PPP2R5E: variants seen among roughly 807,000 people sequenced by gnomAD.
PPP2R5E encodes the protein protein phosphatase 2 regulatory subunit B'epsilon.
In PPP2R5E, 4 loss-of-function variants were observed where a neutral mutation model predicts 65.3. The ratio of observed to expected loss-of-function variants is 0.06; its 90% CI spans 0.03 to 0.14. PPP2R5E has a LOEUF of 0.14. PPP2R5E is among the 10% of genes least tolerant of loss of function. The pLI, the probability that PPP2R5E is intolerant of heterozygous loss-of-function variation, is 1.00. For missense variants in PPP2R5E, 274 were observed against 556.1 expected (o/e 0.49, Z 5.10); for synonymous variants, 183 against 187.4 (o/e 0.98, Z 0.19).
At chr14:63,539,035 T>C (rs1566770476) in intron 2 of PPP2R5E, among the ~76,000 whole-genome samples, 1 of 152,216 alleles carries the variant, frequency 6.6e-6, no homozygotes, top group Non-Finnish European at 1.5e-5. Flanking sequence ...CTACTTGTAC[T>C]ATGTGAAAAC....
At chr14:63,471,668 A>G (rs551613971) in intron 2 of PPP2R5E, among the ~76,000 whole-genome samples, 12 of 152,302 alleles carry the variant, frequency 7.9e-5, no homozygotes, top group African/African-American at 2.6e-4. Flanking sequence ...TGGCCCAAAG[A>G]TATTTAGCAA....
chr14:63,535,579 A>G (rs1249338342), intron 2 of PPP2R5E, among the ~76,000 whole-genome samples: 14 of 152,150 alleles, frequency 9.2e-5, no homozygotes, highest in Non-Finnish European at 2.1e-4. Context: ...TGCATGCACA[A>G]AACGAGTGGT....
chr14:63,396,424 A>AG (rs1278414205), intron 6 of PPP2R5E, among the ~76,000 whole-genome samples, 162 bp downstream of exon 6: 1 of 42,516 alleles, frequency 2.4e-5, no homozygotes, highest in Admixed American at 2.7e-4. Flanking sequence ...GAGGAGGGGG[A>AG]GGGGGTAGAG....
At chr14:63,422,599 ACCTG>A (rs1286745227) in intron 3 of PPP2R5E, among the ~76,000 whole-genome samples, 6 of 152,020 alleles carry the variant, frequency 3.9e-5, no homozygotes, top group Admixed American at 1.3e-4. Flanking sequence ...GGTGGCAGGC[ACCTG>A]TAGTCCCAGC....
At chr14:63,486,085 C>T (rs1245124939) in intron 2 of PPP2R5E, among the ~76,000 whole-genome samples, 1 of 152,092 alleles carries the variant, frequency 6.6e-6, no homozygotes, top group Non-Finnish European at 1.5e-5. Flanking sequence ...CCACCTCGGC[C>T]TCCCAAAGTG....
At chr14:63,384,758 C>T (rs146980618) in intron 11 of PPP2R5E, among the ~76,000 whole-genome samples, 187 bp from the exon 12 acceptor site, 218 of 152,086 alleles carry the variant, frequency 1.4e-3, no homozygotes, top group East Asian at 5.4e-3. Flanking sequence ...GCTAGTGGCG[C>T]GATCTCGGCT....
intron 3 of PPP2R5E, among the ~76,000 whole-genome samples, chr14:63,430,315 A>G (rs1480256059): frequency 6.6e-6 from 1 of 151,790 alleles, no homozygotes; most frequent in Non-Finnish European, 1.5e-5. Context: ...GGAGTTGGAG[A>G]CCAGAGTGGC....
At chr14:63,434,775 C>T (rs11848219) in intron 3 of PPP2R5E, among the ~76,000 whole-genome samples, 8,102 of 152,150 alleles carry the variant, frequency 0.053, 285 homozygotes, top group East Asian at 0.1. Context: ...TTTTTTTAAC[C>T]CTTTGGAGTT....
chr14:63,509,189 T>C (rs1892347040), intron 2 of PPP2R5E, among the ~76,000 whole-genome samples: 1 of 151,698 alleles, frequency 6.6e-6, no homozygotes, highest in Non-Finnish European at 1.5e-5. Flanking sequence ...CTTTTGGGAC[T>C]CATACCCCAG....
At chr14:63,406,337 G>A (rs563318154) in intron 5 of PPP2R5E, among the ~76,000 whole-genome samples, 1 of 151,878 alleles carries the variant, frequency 6.6e-6, no homozygotes, top group Non-Finnish European at 1.5e-5. Flanking sequence ...CTTGAACCCG[G>A]GAGGCGGAGG....
intron 2 of PPP2R5E, among the ~76,000 whole-genome samples, chr14:63,485,501 G>A (rs1890940735): frequency 6.6e-6 from 1 of 152,082 alleles, no homozygotes; most frequent in Non-Finnish European, 1.5e-5. Flanking sequence ...CACAACCTCT[G>A]CCTCCCAGGT....
intron 2 of PPP2R5E, among the ~76,000 whole-genome samples, chr14:63,461,274 T>C (rs1889444004): frequency 1.3e-5 from 2 of 152,066 alleles, no homozygotes; most frequent in Admixed American, 1.3e-4. Flanking sequence ...AAGAATTATA[T>C]ACAGTATTCT....
intron 1 of PPP2R5E, among the ~76,000 whole-genome samples, chr14:63,542,115 T>G (rs1400870742): frequency 6.6e-6 from 1 of 152,186 alleles, no homozygotes; most frequent in African/African-American, 2.4e-5. Flanking sequence ...TCCTTATCTC[T>G]CATCTCTACA....
At chr14:63,420,054 A>G (rs142129147) in intron 4 of PPP2R5E, among the ~76,000 whole-genome samples, 89 of 152,304 alleles carry the variant, frequency 5.8e-4, no homozygotes, top group Middle Eastern at 3.4e-3. Context: ...ATAATGAGTA[A>G]AAGTTTATTG....
intron 5 of PPP2R5E, among the ~76,000 whole-genome samples, chr14:63,403,343 G>A (rs200340521): frequency 3.5e-5 from 5 of 144,038 alleles, no homozygotes; most frequent in Admixed American, 2.8e-4. Flanking sequence ...AGCCAAGATC[G>A]TGCCACTACA....
chr14:63,537,480 A>G (rs900870646), intron 2 of PPP2R5E, among the ~76,000 whole-genome samples: 10 of 152,164 alleles, frequency 6.6e-5, no homozygotes, highest in African/African-American at 2.4e-4. Flanking sequence ...AGCTCACAGG[A>G]GCTCATCTTT....
At chr14:63,523,476 A>C (rs1229122680) in intron 2 of PPP2R5E, among the ~76,000 whole-genome samples, 1 of 152,070 alleles carries the variant, frequency 6.6e-6, no homozygotes, top group Non-Finnish European at 1.5e-5. Flanking sequence ...AGGGCGGTGC[A>C]AGATGTGCTT....
chr14:63,438,990 A>C (rs983252978), intron 3 of PPP2R5E, among the ~76,000 whole-genome samples: 6 of 147,778 alleles, frequency 4.1e-5, no homozygotes, highest in African/African-American at 1.2e-4. Flanking sequence ...CAGTTCTCCC[A>C]AAAAAAAAAG....
chr14:63,541,704 T>G (rs1442857323), intron 1 of PPP2R5E, among the ~76,000 whole-genome samples: 1 of 152,082 alleles, frequency 6.6e-6, no homozygotes, highest in African/African-American at 2.4e-5. Flanking sequence ...CACGTGAGAA[T>G]AAAAAGTTAC....
Sources: gnomAD v4.1 joint callset for allele counts (sites outside exome capture counted in the v4.1 genomes callset) on GRCh38, gnomAD v4.1.1 for gene constraint, MANE v1.5 for transcripts, NCBI Gene and HGNC (gene_info 2026-07-23, HGNC 2026-07-21) for gene names.